Variants in TCERG1 observed in about 807,000 individuals in gnomAD.
TCERG1 encodes transcription elongation regulator 1, also known as TATA box binding protein (TBP)-associated factor, RNA polymerase II, S, 150kD.
In TCERG1, 37 loss-of-function variants were observed where a neutral mutation model predicts 144.7. The observed-to-expected ratio is 0.26, with a 90% CI of 0.20 to 0.34. The LOEUF (loss-of-function observed/expected upper bound fraction) is 0.34, where lower values mean the gene tolerates loss of function less well. Among genes scored for constraint, TCERG1 ranks in the 10% least tolerant of loss-of-function variants. TCERG1 has a pLI of 1.00. For synonymous variants in TCERG1, 492 were observed against 458.2 expected, an observed-to-expected ratio of 1.07 and a Z score of -0.94; for missense variants, 1,027 against 1,380.7, an observed-to-expected ratio of 0.74 and a Z score of 4.06.
chr5:146,457,057 G>C, intron 2 of TCERG1, 126 bp from the exon 3 acceptor site: 1 of 1,258,328 alleles, frequency 7.9e-7, no homozygotes, highest in South Asian at 1.6e-5. Context: ...TTCTATGACA[G>C]GTGAATGTGT....
intron 18 of TCERG1, 129 bp downstream of exon 18, chr5:146,503,668 G>C: frequency 7.4e-7 from 1 of 1,360,296 alleles, no homozygotes; most frequent in Non-Finnish European, 1.0e-6. Flanking sequence ...CTTAACATAA[G>C]AGTCTAGTTG....
intron 15 of TCERG1, among the ~76,000 whole-genome samples, chr5:146,489,265 CATG>C (rs1262146922): frequency 6.6e-6 from 1 of 152,110 alleles, no homozygotes; most frequent in Non-Finnish European, 1.5e-5. Context: ...CTCATCACTA[CATG>C]ATATGTATTT....
chr5:146,488,260 AAC>A (rs1766036975), intron 15 of TCERG1, among the ~76,000 whole-genome samples: 1 of 152,200 alleles, frequency 6.6e-6, no homozygotes, highest in Non-Finnish European at 1.5e-5. Context: ...ATCAAATTAA[AAC>A]AGTTCTCCAT....
At chr5:146,499,195 G>C (rs1767208714) in intron 17 of TCERG1, among the ~76,000 whole-genome samples, 1 of 152,148 alleles carries the variant, frequency 6.6e-6, no homozygotes, top group African/African-American at 2.4e-5. Flanking sequence ...GGAGTGGAGA[G>C]GAGCTTACCA....
At chr5:146,449,792 A>G (rs1378797196) in intron 1 of TCERG1, among the ~76,000 whole-genome samples, 1 of 152,226 alleles carries the variant, frequency 6.6e-6, no homozygotes, top group South Asian at 2.1e-4. Context: ...TCCAAATACC[A>G]TTAAAGTAAC....
At chr5:146,490,505 C>T (rs894172147) in intron 15 of TCERG1, among the ~76,000 whole-genome samples, 6 of 152,182 alleles carry the variant, frequency 3.9e-5, no homozygotes, top group African/African-American at 1.2e-4. Flanking sequence ...CATTGCTCTG[C>T]TTCTAGTGTT....
intron 9 of TCERG1, among the ~76,000 whole-genome samples, chr5:146,477,638 G>C (rs1056216726): frequency 1.4e-5 from 2 of 147,544 alleles, no homozygotes; most frequent in African/African-American, 2.5e-5. Flanking sequence ...CCAATGGCTT[G>C]TAGTGCTTGT....
At position 146,504,839 on chromosome 5, in the gene TCERG1, G is replaced by A. The variant is rs537202385; in HGVS notation, c.2781+833G>A. Among the ~76,000 whole-genome samples the A allele has an allele frequency of 4.6e-5, 7 of 152,264 alleles. No individual in the cohort carries two copies. The East Asian group carries it at 1.4e-3, about 29-fold the overall frequency. Reference sequence around the variant, plus strand: ...AGGCGGGCAGATCACTTGGGGTCAGGAGTTCAAGACTAGGCTGGCCAACAT... The same window carrying A: ...AGGCGGGCAGATCACTTGGGGTCAGAAGTTCAAGACTAGGCTGGCCAACAT... On this transcript the variant is annotated intron_variant, in intron 19 of 22. Transcript: ENST00000679501.
Position 146,490,482 on chromosome 5 carries a change from G to C in TCERG1, c.2164-2438G>C, listed in dbSNP as rs372691597. Among the ~76,000 whole-genome samples, 5 of 152,276 alleles carry C rather than the reference G, an allele frequency of 3.3e-5. No homozygotes were observed. The East Asian group carries it at 9.6e-4, about 29-fold the overall frequency. ...ATTGTACCCTTATTTGGAATTGTTT[G>C]GCTAGCTAAAGGCATTGCTCTGCTT... On this transcript the variant is annotated intron_variant, in intron 15 of 22. Coordinates refer to ENST00000679501, the MANE Select transcript of TCERG1 (RefSeq NM_001382548.1).
intron 13 of TCERG1, 122 bp from the exon 14 acceptor site, chr5:146,482,470 G>GT: frequency 1.1e-6 from 1 of 918,514 alleles, no homozygotes; most frequent in Non-Finnish European, 1.6e-6. Flanking sequence ...AATATAATTT[G>GT]TTTTTGCCAA....
At position 146,482,575 on chromosome 5, in the gene TCERG1, T is replaced by C; in HGVS notation, c.1938-17T>C. On this transcript the variant is annotated splice_polypyrimidine_tract_variant and intron_variant, in intron 13 of 22. Transcript: ENST00000679501. ...TAATATTTTGTCAGTTGATGTCTTA[T>C]ATTTTATTTTTTATAGGAGAGACGA... is the stretch of plus-strand genomic sequence containing the variant. The C allele has an allele frequency of 6.3e-7, 1 of 1,587,040 alleles. No homozygotes were observed. Among genetic ancestry groups the C allele is most frequent in the Non-Finnish European group, 8.6e-7 (1 of 1,167,300 alleles).
chr5:146,492,643 A>G (rs1477923477), intron 15 of TCERG1, among the ~76,000 whole-genome samples: 2 of 152,176 alleles, frequency 1.3e-5, no homozygotes, highest in East Asian at 1.9e-4. Context: ...ATTTCTTGAC[A>G]TGTTTATAAT....
chr5:146,463,590 C>T lies in TCERG1; in HGVS notation c.932C>T (p.Ser311Leu), dbSNP rs1228261232. The T allele has an allele frequency of 3.1e-6, 5 of 1,614,096 alleles. No homozygotes were observed. Among genetic ancestry groups the T allele is most frequent in the African/African-American group, 1.3e-5 (1 of 74,926 alleles). ...TQDQTPSSAVSVATPTVSVST... is the reference protein window; with the variant it reads ...TQDQTPSSAVLVATPTVSVST... Reference sequence around the variant, plus strand: ...GATCAGACCCCAAGTTCTGCTGTTTCAGTTGCCACGCCTACAGTTAGTGTT... The same window carrying T: ...GATCAGACCCCAAGTTCTGCTGTTTTAGTTGCCACGCCTACAGTTAGTGTT... Residue 311 changes from serine to leucine, a missense_variant, in exon 5 of 23, where the codon TCA (serine) becomes TTA (leucine). Ser to Leu is a moderately radical substitution (Grantham distance 145). Coordinates refer to ENST00000679501, the MANE Select transcript of TCERG1 (RefSeq NM_001382548.1).
chr5:146,503,586 C>T (rs201272026), intron 18 of TCERG1, 47 bp downstream of exon 18: 405 of 1,589,894 alleles, frequency 2.5e-4, no homozygotes, highest in South Asian at 1.6e-3. Flanking sequence ...TAATACAATT[C>T]TTGTGTTTAA....
chr5:146,466,976 C>T (rs1174466870), intron 5 of TCERG1, among the ~76,000 whole-genome samples: 1 of 152,172 alleles, frequency 6.6e-6, no homozygotes, highest in East Asian at 1.9e-4. Flanking sequence ...ACTGATTAAA[C>T]TTAATCCATG....
In TCERG1 at chr5:146,447,583, G is replaced by A. The variant is rs1049900464; in HGVS notation, c.59+175G>A. On this transcript the variant is annotated intron_variant, in intron 1 of 22. Coordinates refer to ENST00000679501, the MANE Select transcript of TCERG1 (RefSeq NM_001382548.1). ...GGGAAGGTGGCTTGAATGAGAGCCG[G>A]GCCCGGGCTGGGCCAGGGCCTCCTG... Among the ~76,000 whole-genome samples, 7 of 152,192 alleles carry A rather than the reference G, an allele frequency of 4.6e-5. No individual in the cohort carries two copies. In the East Asian group the frequency reaches 1.2e-3, roughly 25 times the overall value.
At chr5:146,471,387 T>G in intron 8 of TCERG1, 101 bp from the exon 9 acceptor site, 7 of 998,078 alleles carry the variant, frequency 7.0e-6, no homozygotes, top group African/African-American at 1.6e-5. Context: ...TAGCAGCAGA[T>G]TTTGTGTTGA....
chr5:146,498,416 G>A, intron 16 of TCERG1, 120 bp from the exon 17 acceptor site: 2 of 1,016,728 alleles, frequency 2.0e-6, no homozygotes, highest in Non-Finnish European at 2.8e-6. Context: ...CTGTTAGGTA[G>A]ATGTTGAGTC....
chr5:146,467,021 G>T (rs981069514), intron 5 of TCERG1, among the ~76,000 whole-genome samples: 1 of 151,996 alleles, frequency 6.6e-6, no homozygotes, highest in Non-Finnish European at 1.5e-5. Context: ...TTTTTCCATT[G>T]CTTTCTTTCA....
Sources: allele counts gnomAD v4.1 joint callset (sites outside exome capture counted in the v4.1 genomes callset), GRCh38; gene constraint gnomAD v4.1.1; transcripts MANE v1.5; gene names NCBI Gene and HGNC (gene_info 2026-07-23, HGNC 2026-07-21).